The following TRAPPC9 variants were observed in gnomAD, a reference collection of about 807,000 sequenced individuals.
TRAPPC9 encodes IKK2 binding protein.
In TRAPPC9, 83 loss-of-function variants were observed where a neutral mutation model predicts 124.0. That is an observed-to-expected ratio of 0.67 (90% CI 0.56 to 0.80). TRAPPC9 has a LOEUF of 0.80. TRAPPC9 is among the 30% of genes least tolerant of loss of function. The pLI is 0.00. For missense variants in TRAPPC9, 1,302 were observed against 1,508.3 expected (o/e 0.86, Z 2.27); for synonymous variants, 638 against 617.5 (o/e 1.03, Z -0.49).
chr8:140,296,561 C>A (rs1233702514), intron 11 of TRAPPC9, among the ~76,000 whole-genome samples: 1 of 152,220 alleles, frequency 6.6e-6, no homozygotes, highest in Non-Finnish European at 1.5e-5. Context: ...CCACCACACT[C>A]GGCCAACAAT....
At chr8:139,972,351 T>G (rs200184046) in intron 19 of TRAPPC9, among the ~76,000 whole-genome samples, 1 of 152,168 alleles carries the variant, frequency 6.6e-6, no homozygotes, top group African/African-American at 2.4e-5. Flanking sequence ...CAACAACATT[T>G]GATACTTGTT....
intron 17 of TRAPPC9, chr8:140,095,840 C>G (rs934388313): frequency 2.0e-5 from 3 of 152,166 alleles, no homozygotes; most frequent in African/African-American, 7.2e-5. Flanking sequence ...TCATAGATAA[C>G]CAGGGAGGAG....
At chr8:139,787,430 G>A (rs901542046) in intron 21 of TRAPPC9, among the ~76,000 whole-genome samples, 23 of 152,088 alleles carry the variant, frequency 1.5e-4, no homozygotes, top group African/African-American at 5.3e-4. Context: ...TCAAAGAGAT[G>A]ACACCTTCCC....
intron 17 of TRAPPC9, among the ~76,000 whole-genome samples, chr8:140,116,845 G>A (rs188303644): frequency 2.7e-5 from 4 of 148,604 alleles, no homozygotes; most frequent in South Asian, 4.2e-4. Flanking sequence ...GTGAGTAGGC[G>A]GAGTTCAGTA....
intron 5 of TRAPPC9, among the ~76,000 whole-genome samples, chr8:140,414,490 T>C (rs1219042373): frequency 2.0e-5 from 3 of 152,120 alleles, no homozygotes; most frequent in African/African-American, 7.2e-5. Context: ...GCCATGATCA[T>C]GCCACTGCAC....
intron 19 of TRAPPC9, among the ~76,000 whole-genome samples, chr8:139,953,674 T>C (rs1834804333): frequency 6.6e-6 from 1 of 152,196 alleles, no homozygotes; most frequent in Admixed American, 6.5e-5. Context: ...ACAGCCTGTA[T>C]CTAGAGTATG....
chr8:139,930,551 T>C (rs1337697450), intron 19 of TRAPPC9, among the ~76,000 whole-genome samples: 1 of 152,224 alleles, frequency 6.6e-6, no homozygotes, highest in East Asian at 1.9e-4. Context: ...TTTTCCATCC[T>C]AGACATCAAA....
At chr8:140,388,228 T>TGG (rs1163458732) in intron 7 of TRAPPC9, among the ~76,000 whole-genome samples, 3,699 of 20,996 alleles carry the variant, frequency 0.18, 128 homozygotes, top group African/African-American at 0.31. Context: ...TGTTGTGGGG[T>TGG]GGGGAGGGGG....
At chr8:140,024,226 G>A (rs1012544906) in intron 17 of TRAPPC9, 147 bp from the exon 18 acceptor site, 24 of 1,033,308 alleles carry the variant, frequency 2.3e-5, no homozygotes, top group South Asian at 1.4e-4. Flanking sequence ...TCACAACCCC[G>A]GCGGGTACCG....
At chr8:139,876,996 T>C (rs1829359900) in intron 21 of TRAPPC9, among the ~76,000 whole-genome samples, 2 of 152,192 alleles carry the variant, frequency 1.3e-5, no homozygotes, top group Admixed American at 1.3e-4. Flanking sequence ...CAGGCTGGTG[T>C]TGCCCTCGTT....
chr8:140,351,792 G>A (rs2067588285), intron 9 of TRAPPC9, among the ~76,000 whole-genome samples: 2 of 152,188 alleles, frequency 1.3e-5, no homozygotes, highest in African/African-American at 4.8e-5. Flanking sequence ...CTTACAGTGG[G>A]CTGGCATGAC....
At chr8:140,371,494 T>C (rs1298133091) in intron 7 of TRAPPC9, among the ~76,000 whole-genome samples, 1 of 152,240 alleles carries the variant, frequency 6.6e-6, no homozygotes, top group Non-Finnish European at 1.5e-5. Flanking sequence ...CAAGAGTTCA[T>C]CTACACAACA....
At chr8:139,935,083 G>A (rs1313147992) in intron 19 of TRAPPC9, among the ~76,000 whole-genome samples, 2 of 152,110 alleles carry the variant, frequency 1.3e-5, no homozygotes, top group Non-Finnish European at 2.9e-5. Context: ...AGCCCCTCCC[G>A]GTACGTGATC....
intron 9 of TRAPPC9, among the ~76,000 whole-genome samples, chr8:140,317,098 G>A (rs1051522560): frequency 5.9e-5 from 9 of 152,014 alleles, no homozygotes; most frequent in Non-Finnish European, 1.2e-4. Context: ...TTATTGATTT[G>A]ACATTTATTC....
At chr8:140,259,919 G>GA (rs1376668515) in intron 15 of TRAPPC9, among the ~76,000 whole-genome samples, 1 of 152,156 alleles carries the variant, frequency 6.6e-6, no homozygotes, top group Non-Finnish European at 1.5e-5. Context: ...AGAGCTATGT[G>GA]AAAAAAGCGG....
chr8:139,882,849 T>C (rs368884903), intron 21 of TRAPPC9, among the ~76,000 whole-genome samples: 5 of 152,170 alleles, frequency 3.3e-5, no homozygotes, highest in Middle Eastern at 3.2e-3. Context: ...GAAGGTCACA[T>C]AGCTAACACA....
chr8:139,908,325 C>T (rs1831494468), intron 20 of TRAPPC9, among the ~76,000 whole-genome samples: 1 of 152,190 alleles, frequency 6.6e-6, no homozygotes, highest in Non-Finnish European at 1.5e-5. Flanking sequence ...GACCGCCTTG[C>T]TCTGCATGGG....
chr8:140,088,057 T>C (rs1316968434), intron 17 of TRAPPC9, among the ~76,000 whole-genome samples: 1 of 152,024 alleles, frequency 6.6e-6, no homozygotes. Flanking sequence ...TGCTACCTCC[T>C]CAAGAGATGC....
chr8:140,268,801 C>T (rs1035480962), intron 15 of TRAPPC9, among the ~76,000 whole-genome samples: 4 of 152,160 alleles, frequency 2.6e-5, no homozygotes, highest in African/African-American at 4.8e-5. Flanking sequence ...CAAGGCATGA[C>T]GGGTGACTAC....
Sources: allele counts gnomAD v4.1 joint callset (sites outside exome capture counted in the v4.1 genomes callset), GRCh38; gene constraint gnomAD v4.1.1; transcripts MANE v1.5; gene names NCBI Gene and HGNC (gene_info 2026-07-23, HGNC 2026-07-21).